The following RIMKLB variants were observed in gnomAD, a reference collection of about 807,000 sequenced individuals.
RIMKLB encodes ribosomal modification protein rimK like family member B.
A neutral mutation model predicts 32.0 loss-of-function variants in RIMKLB; 7 were observed. That is an observed-to-expected ratio of 0.22 (90% CI 0.12 to 0.41). RIMKLB has a LOEUF of 0.41. Among genes scored for constraint, RIMKLB ranks in the 10% least tolerant of loss-of-function variants. RIMKLB has a pLI of 1.00. For synonymous variants in RIMKLB, 172 were observed against 185.1 expected, an observed-to-expected ratio of 0.93 and a Z score of 0.57; for missense variants, 289 against 498.7, an observed-to-expected ratio of 0.58 and a Z score of 4.00.
intron 2 of RIMKLB, among the ~76,000 whole-genome samples, chr12:8,725,924 T>C (rs1012415280): frequency 6.6e-6 from 1 of 152,230 alleles, no homozygotes; most frequent in Non-Finnish European, 1.5e-5. Flanking sequence ...CTTGGTTCAC[T>C]GCAACCTCCG....
intron 5 of RIMKLB, among the ~76,000 whole-genome samples, chr12:8,768,846 A>G (rs1487731761): frequency 6.6e-6 from 1 of 152,174 alleles, no homozygotes; most frequent in Non-Finnish European, 1.5e-5. Context: ...AGATATTTGC[A>G]TATGCTGCTT....
chr12:8,689,123 G>A (rs1233275888), intron 1 of RIMKLB, among the ~76,000 whole-genome samples: 8 of 152,146 alleles, frequency 5.3e-5, no homozygotes, highest in Non-Finnish European at 8.8e-5. Flanking sequence ...GGCGTGAGCC[G>A]CTGCACCCGG....
chr12:8,715,213 A>G (rs1051764925), intron 2 of RIMKLB, among the ~76,000 whole-genome samples: 1 of 147,330 alleles, frequency 6.8e-6, no homozygotes, highest in East Asian at 2.0e-4. Flanking sequence ...GCTTAAATGG[A>G]TAAGTGCTCT....
intron 2 of RIMKLB, among the ~76,000 whole-genome samples, chr12:8,725,141 C>G (rs186484850): frequency 1.1e-4 from 17 of 152,314 alleles, no homozygotes; most frequent in African/African-American, 4.1e-4. Flanking sequence ...TTGTTACACA[C>G]AGACATCAGA....
intron 2 of RIMKLB, among the ~76,000 whole-genome samples, chr12:8,717,733 T>G (rs1313248297): frequency 6.6e-6 from 1 of 152,192 alleles, no homozygotes; most frequent in Non-Finnish European, 1.5e-5. Context: ...TAAATTTGTT[T>G]CCACTTTAAA....
intron 1 of RIMKLB, among the ~76,000 whole-genome samples, chr12:8,692,002 G>C (rs1942746695): frequency 7.0e-6 from 1 of 143,110 alleles, no homozygotes; most frequent in South Asian, 2.1e-4. Flanking sequence ...ACCAAGAGAG[G>C]GTTTTTTTTT....
rs2969088 is a variant in RIMKLB, at chr12:8,774,210, A to C, written c.*426A>C. 31 of 977,318 alleles carry C rather than the reference A, an allele frequency of 3.2e-5. No homozygotes were observed. The highest frequency in any genetic ancestry group is 3.8e-5 in the Non-Finnish European group (31 of 821,356). The allele number at this position is 977,318 out of a possible 1,614,324, so 60.5% of individuals were successfully genotyped here. ...TGTCATCAGTGAGGAAAACATCTGC[A>C]TAAATTACAGGAATTTTTGTATTAT... On this transcript the variant is annotated 3_prime_UTR_variant, in exon 6 of 6. Coordinates refer to ENST00000535829, the MANE Select transcript of RIMKLB (RefSeq NM_001297776.2).
chr12:8,709,329 C>T (rs1414706413), intron 1 of RIMKLB, among the ~76,000 whole-genome samples: 1 of 152,204 alleles, frequency 6.6e-6, no homozygotes, highest in African/African-American at 2.4e-5. Flanking sequence ...GACTTGTCAG[C>T]ATTTCTGTTT....
At chr12:8,745,302 C>G (rs1347404764) in intron 2 of RIMKLB, among the ~76,000 whole-genome samples, 1 of 151,518 alleles carries the variant, frequency 6.6e-6, no homozygotes, top group African/African-American at 2.4e-5. Context: ...ACTTTCTTCT[C>G]CTGGCTCTTA....
At chr12:8,781,543 TCTTG>T (rs564670814), downstream of RIMKLB, among the ~76,000 whole-genome samples, 3 of 152,200 alleles carry the variant, frequency 2.0e-5, no homozygotes, top group Non-Finnish European at 2.9e-5. Flanking sequence ...CACCTTTCTC[TCTTG>T]CTTATCTGGC....
chr12:8,694,387 A>ATTTTTTTTTTTTT (rs769859426), upstream of RIMKLB, among the ~76,000 whole-genome samples: 60 of 119,076 alleles, frequency 5.0e-4, 7 homozygotes, highest in African/African-American at 1.9e-3. Flanking sequence ...ATCCTGTTGA[A>ATTTTTTTTTTTTT]TTTTTTTTCT....
At chr12:8,681,504 A>ACGTTAATG (rs761721380), upstream of RIMKLB, 1 of 152,180 alleles carries the variant, frequency 6.6e-6, no homozygotes, top group East Asian at 1.9e-4. Flanking sequence ...AACTTGTGCT[A>ACGTTAATG]CGTTAATGCA....
chr12:8,756,628 G>C (rs1358293135), intron 5 of RIMKLB, among the ~76,000 whole-genome samples: 1 of 150,310 alleles, frequency 6.7e-6, no homozygotes. Flanking sequence ...ATACATGATA[G>C]AGTAAGAACA....
At chr12:8,710,373 T>A (rs1944277503) in intron 1 of RIMKLB, among the ~76,000 whole-genome samples, 1 of 147,900 alleles carries the variant, frequency 6.8e-6, no homozygotes, top group African/African-American at 2.5e-5. Flanking sequence ...AGTGGCACGA[T>A]CTCCACTCAC....
intron 2 of RIMKLB, among the ~76,000 whole-genome samples, chr12:8,741,594 A>G (rs1947534739): frequency 6.6e-6 from 1 of 151,520 alleles, no homozygotes; most frequent in South Asian, 2.1e-4. Context: ...CCTGGCTAAC[A>G]TGGTGAAAAC....
rs933954219 is a variant in RIMKLB at position 8,774,063 on chromosome 12, A to G, written c.*279A>G. 2.5e-6 allele frequency: 3 copies of G among 1,181,246 alleles called. No homozygotes were observed. Among genetic ancestry groups the G allele is most frequent in the Non-Finnish European group, 2.1e-6 (2 of 953,180 alleles). 73.2% of individuals were successfully genotyped at this position (1,181,246 alleles called of 1,614,324 possible). A position where few individuals can be genotyped will look rare whatever the true frequency, so the allele number is the denominator to read the frequency against. On this transcript the variant is annotated 3_prime_UTR_variant, in exon 6 of 6. Transcript: ENST00000535829. ...AAATTGCTAAAAAATGTGTATGCTC[A>G]TAGGCCATGAGGAACAAATACTTTT...
intron 1 of RIMKLB, among the ~76,000 whole-genome samples, chr12:8,682,282 C>G (rs753303206): frequency 4.6e-5 from 7 of 152,162 alleles, no homozygotes; most frequent in Non-Finnish European, 8.8e-5. Context: ...AACTGCTTTT[C>G]TTTCCAAGGG....
At chr12:8,720,564 C>T (rs184282831) in intron 2 of RIMKLB, among the ~76,000 whole-genome samples, 1 of 152,242 alleles carries the variant, frequency 6.6e-6, no homozygotes, top group African/African-American at 2.4e-5. Context: ...GTGTGCGACA[C>T]GGAGTTTGGC....
intron 2 of RIMKLB, among the ~76,000 whole-genome samples, chr12:8,748,678 T>C (rs892956345): frequency 3.3e-5 from 5 of 151,832 alleles, no homozygotes; most frequent in African/African-American, 1.2e-4. Context: ...CCGTGGTGGC[T>C]CATGCCTGTA....
Sources: gnomAD v4.1 joint callset for allele counts (sites outside exome capture counted in the v4.1 genomes callset) on GRCh38, gnomAD v4.1.1 for gene constraint, MANE v1.5 for transcripts, NCBI Gene and HGNC (gene_info 2026-07-23, HGNC 2026-07-21) for gene names.